Variants in ZNF347 observed in about 807,000 individuals in gnomAD.
ZNF347 encodes zinc finger protein 347, also known as CTD-2620I22.7.
In ZNF347, 19 loss-of-function variants were observed where a neutral mutation model predicts 12.9. The ratio of observed to expected loss-of-function variants is 1.47; its 90% CI spans 1.03 to 2.16. ZNF347 has a LOEUF of 2.16. Ranked by LOEUF, ZNF347 falls within the 30% of genes most tolerant of loss-of-function variation. ZNF347 has a pLI of 0.00. For missense variants in ZNF347, 1,005 were observed against 990.6 expected (o/e 1.01, Z -0.19); for synonymous variants, 328 against 340.6 (o/e 0.96, Z 0.41).
rs769352949 is a variant in ZNF347 at position 53,140,431 on chromosome 19, A to G, written c.2397T>C (p.Phe799=). 3.7e-6 allele frequency: 6 copies of G among 1,613,958 alleles called. No individual in the cohort carries two copies. In the East Asian group the frequency reaches 8.9e-5, roughly 24 times the overall value. Residue 799 remains phenylalanine (F), a synonymous_variant, in exon 5 of 5, where the codon TTT becomes TTC. Transcript: ENST00000334197. ...GEKPYECGKP[F]SICSSLTTHQ... Reference sequence around the variant, plus strand: ...GGGTAGTTAGGCTTGAACAGATACTAAAGGGTTTCCCACACTCATATGGTT... The same window carrying G: ...GGGTAGTTAGGCTTGAACAGATACTGAAGGGTTTCCCACACTCATATGGTT...
In ZNF347 at chr19:53,142,113, G is replaced by C. The variant is rs375426967; in HGVS notation, c.715C>G (p.Leu239Val). Residue 239 changes from leucine to valine, a missense_variant, in exon 5 of 5, where the codon CTC (leucine) becomes GTC (valine). Physicochemically the swap from Leu to Val is conservative, Grantham distance 32. Transcript: ENST00000334197. ...NVKTHISKKYLKDFISSLLLT... is the reference protein window; with the variant it reads ...NVKTHISKKYVKDFISSLLLT... ...AATAAAGAAGAGATAAAATCTTTGA[G>C]ATATTTCTTAGAAATGTGGGTTTTG... 3.1e-6 allele frequency: 5 copies of C among 1,612,890 alleles called. No individual in the cohort carries two copies. The highest frequency in any genetic ancestry group is 1.1e-5 in the South Asian group (1 of 90,620).
In ZNF347 at chr19:53,138,732, A is replaced by G. The variant is rs561879591; in HGVS notation, c.*1576T>C. On this transcript the variant is annotated 3_prime_UTR_variant, in exon 5 of 5. Transcript: ENST00000334197. Reference sequence around the variant, plus strand: ...AACCTAAAAGACTGAGTGTATTGTTATTATCTGCTATGAAGTATCCTACTG... The same window carrying G: ...AACCTAAAAGACTGAGTGTATTGTTGTTATCTGCTATGAAGTATCCTACTG... The G allele has an allele frequency of 4.1e-4, 62 of 152,278 alleles. No individual in the cohort carries two copies. Among genetic ancestry groups the G allele is most frequent in the Non-Finnish European group, 8.2e-4 (56 of 68,018 alleles). The allele number at this position is 152,278 out of a possible 1,614,324, so 9.4% of individuals were successfully genotyped here.
chr19:53,140,929 G>T lies in ZNF347; in HGVS notation c.1899C>A (p.Ala633=), dbSNP rs766760753. The change falls in exon 5 of 5, where the codon GCC becomes GCA. Residue 633 remains alanine (A), a synonymous_variant. Coordinates refer to ENST00000334197, the MANE Select transcript of ZNF347 (RefSeq NM_032584.3). ...KPYKYNEYGK[A]FSEHSNLTTH... ...TAGTTAGGTTTGAATGTTCACTAAA[G>T]GCTTTGCCATACTCATTATACTTGT... 7 of 1,613,466 alleles carry T rather than the reference G, an allele frequency of 4.3e-6. No homozygotes were observed. The South Asian group carries it at 7.7e-5, about 18-fold the overall frequency.
chr19:53,145,379 A>G (rs2146804242), intron 4 of ZNF347, among the ~76,000 whole-genome samples: 1 of 151,452 alleles, frequency 6.6e-6, no homozygotes, highest in African/African-American at 2.4e-5. Context: ...GAAATTAAGA[A>G]GGAAATAAAA....
Position 53,140,552 on chromosome 19 carries a change from T to G in ZNF347, c.2276A>C (p.His759Pro). ...NSHLARHRGI[H>P]TGEKPYKCNE... is the part of the protein sequence containing the mutation. The stretch of plus-strand genomic sequence containing the variant: ...ACACTTGTAAGGTTTCTCTCCAGTA[T>G]GAATTCCCCGATGTCTTGCAAGGTG... The change falls in exon 5 of 5, where the codon CAT becomes CCT. Residue 759 changes from histidine (H) to proline (P), a missense_variant. Transcript: ENST00000334197. The G allele has an allele frequency of 6.2e-7, 1 of 1,614,060 alleles. No homozygotes were observed. The highest frequency in any genetic ancestry group is 8.5e-7 in the Non-Finnish European group (1 of 1,179,966).
At chr19:53,158,066 G>A (rs1380472470) in intron 1 of ZNF347, among the ~76,000 whole-genome samples, 2 of 151,950 alleles carry the variant, frequency 1.3e-5, no homozygotes, top group African/African-American at 4.8e-5. Context: ...AATCCCCTTG[G>A]TCCACACATT....
intron 1 of ZNF347, among the ~76,000 whole-genome samples, chr19:53,156,172 G>C (rs2090534804): frequency 6.6e-6 from 1 of 152,112 alleles, no homozygotes; most frequent in Non-Finnish European, 1.5e-5. Context: ...GCCAAGGCAG[G>C]AGGATCACTT....
chr19:53,141,938 G>A lies in ZNF347; in HGVS notation c.890C>T (p.Ala297Val), dbSNP rs1362763968. 1.2e-6 allele frequency: 2 copies of A among 1,613,674 alleles called. No homozygotes were observed. The highest frequency in any genetic ancestry group is 2.2e-5 in the East Asian group (1 of 44,888). Residue 297 changes from alanine (A) to valine (V), a missense_variant, in exon 5 of 5, where the codon GCC becomes GTC. Physicochemically the swap from Ala to Val is moderately conservative, Grantham distance 64. Coordinates refer to ENST00000334197, the MANE Select transcript of ZNF347 (RefSeq NM_032584.3). ...AGTTAGGTTTGAACGTGTTCTAAAG[G>A]CTTTGCCACACTCATAACATTTGTA... The part of the protein sequence containing the change: ...KPYKCYECGK[A>V]FRTRSNLTTH...
chr19:53,152,022 G>A (rs2090501400), intron 2 of ZNF347, among the ~76,000 whole-genome samples: 2 of 147,726 alleles, frequency 1.4e-5, no homozygotes, highest in Admixed American at 1.4e-4. Context: ...GAACCCGGGA[G>A]GCAGAGATTG....
At chr19:53,153,397 CCA>C (rs1231439961) in intron 2 of ZNF347, among the ~76,000 whole-genome samples, 2 of 152,214 alleles carry the variant, frequency 1.3e-5, no homozygotes, top group African/African-American at 2.4e-5. Context: ...TAATCCTGCT[CCA>C]CAGAGAGCTG....
Position 53,137,882 on chromosome 19 carries a change from T to TCC in ZNF347, c.*2424_*2425dup, listed in dbSNP as rs2090395762. 1 of 151,918 alleles carries TCC rather than the reference T, an allele frequency of 6.6e-6. No homozygotes were observed. Among genetic ancestry groups the TCC allele is most frequent in the Admixed American group, 6.6e-5 (1 of 15,236 alleles). The allele number at this position is 151,918 out of a possible 1,614,324, so 9.4% of individuals were successfully genotyped here. The stretch of plus-strand genomic sequence containing the variant: ...GTGGCAATCTCGGCTCACTGCAACC[T>TCC]CCACCTCCTGGGTTCAAGTGATTCT... On this transcript the variant is annotated 3_prime_UTR_variant, in exon 5 of 5. Transcript: ENST00000334197.
At position 53,136,001 on chromosome 19, in the gene ZNF347, T is replaced by G. The variant is rs550193505; in HGVS notation, c.*4307A>C. 1.4e-4 allele frequency: 22 copies of G among 152,218 alleles called. 1 individual carries two copies. The highest frequency in any genetic ancestry group is 4.8e-4 in the African/African-American group (20 of 41,536). The allele number at this position is 152,218 out of a possible 1,614,324, so 9.4% of individuals were successfully genotyped here. A position where few individuals can be genotyped will look rare whatever the true frequency, so the allele number is the denominator to read the frequency against. Reference sequence around the variant, plus strand: ...TACCAGCCACAGTAGGAAGTTGAATTGCCTCCAGGGATTCAATGAGAGAAA... The same window carrying G: ...TACCAGCCACAGTAGGAAGTTGAATGGCCTCCAGGGATTCAATGAGAGAAA... On this transcript the variant is annotated 3_prime_UTR_variant, in exon 5 of 5. Coordinates refer to ENST00000334197, the MANE Select transcript of ZNF347 (RefSeq NM_032584.3).
chr19:53,155,351 G>A (rs1378855554), intron 1 of ZNF347, among the ~76,000 whole-genome samples: 1 of 149,716 alleles, frequency 6.7e-6, no homozygotes, highest in Non-Finnish European at 1.5e-5. Context: ...TTTTGTTTTT[G>A]AGACAGGGTC....
At chr19:53,156,050 G>GGGGGC (rs1568645432) in intron 1 of ZNF347, among the ~76,000 whole-genome samples, 4 of 136,922 alleles carry the variant, frequency 2.9e-5, no homozygotes, top group African/African-American at 1.1e-4. Flanking sequence ...CAGCTCGGGG[G>GGGGGC]GGGGGGGGGG....
At position 53,135,113 on chromosome 19, in the gene ZNF347, AGAC is replaced by A. The variant is rs1286868102; in HGVS notation, c.*5192_*5194del. On this transcript the variant is annotated 3_prime_UTR_variant, in exon 5 of 5. Transcript: ENST00000334197. ...CATTAAAAGCTTTGTCTTTGCAACC[AGAC>A]AACATGGATTCAAATCTCGATTCTG... 1 of 152,052 alleles carries A rather than the reference AGAC, an allele frequency of 6.6e-6. No homozygotes were observed. Among genetic ancestry groups the A allele is most frequent in the Admixed American group, 6.6e-5 (1 of 15,254 alleles). 9.4% of individuals were successfully genotyped at this position (152,052 alleles called of 1,614,324 possible).
chr19:53,157,392 A>G (rs777041982), intron 1 of ZNF347, among the ~76,000 whole-genome samples: 70 of 151,962 alleles, frequency 4.6e-4, no homozygotes, highest in African/African-American at 1.6e-3. Context: ...CATCCTCTAC[A>G]TAGCTCTCAT....
chr19:53,152,915 G>A (rs1045504687), intron 2 of ZNF347, among the ~76,000 whole-genome samples: 3 of 152,134 alleles, frequency 2.0e-5, no homozygotes, highest in Non-Finnish European at 4.4e-5. Flanking sequence ...GGGCGACAGA[G>A]CAAGACTCCG....
In ZNF347 at chr19:53,140,165, G is replaced by T; in HGVS notation, c.*143C>A. The T allele has an allele frequency of 1.2e-6, 1 of 814,084 alleles. No homozygotes were observed. The highest frequency in any genetic ancestry group is 1.9e-6 in the Non-Finnish European group (1 of 526,090). The allele number at this position is 814,084 out of a possible 1,614,324, so 50.4% of individuals were successfully genotyped here. A position where few individuals can be genotyped will look rare whatever the true frequency, so the allele number is the denominator to read the frequency against. The stretch of plus-strand genomic sequence containing the variant: ...TCCACCTGCCTCGGACTCCCAAAGT[G>T]TTGGGATTACAGGCATGAGCCACTG... On this transcript the variant is annotated 3_prime_UTR_variant, in exon 5 of 5. Transcript: ENST00000334197.
At chr19:53,151,534 T>TAAAAAAA (rs34905550) in intron 2 of ZNF347, among the ~76,000 whole-genome samples, 5 of 80,358 alleles carry the variant, frequency 6.2e-5, no homozygotes, top group Non-Finnish European at 4.9e-5. Context: ...CAAGACTGTC[T>TAAAAAAA]AAAAAAAAAA....
Sources: allele counts gnomAD v4.1 joint callset (sites outside exome capture counted in the v4.1 genomes callset), GRCh38; gene constraint gnomAD v4.1.1; transcripts MANE v1.5; gene names NCBI Gene and HGNC (gene_info 2026-07-23, HGNC 2026-07-21).